SLC38A10: variants seen among roughly 807,000 people sequenced by gnomAD.
The protein encoded by SLC38A10 is solute carrier family 38 member 10.
SLC38A10 carries 53 observed loss-of-function variants against 81.0 expected under a neutral mutation model. The observed-to-expected ratio is 0.65, with a 90% CI of 0.53 to 0.82. SLC38A10 has a LOEUF of 0.82. Ranked by LOEUF, SLC38A10 falls within the 40% of genes least tolerant of loss-of-function variation. SLC38A10 has a pLI of 0.00. For missense variants in SLC38A10, 1,471 were observed against 1,545.0 expected (o/e 0.95, Z 0.80); for synonymous variants, 665 against 655.3 (o/e 1.01, Z -0.23).
intron 10 of SLC38A10, among the ~76,000 whole-genome samples, chr17:81,269,962 C>T (rs2063100566): frequency 6.6e-6 from 1 of 151,680 alleles, no homozygotes; most frequent in Non-Finnish European, 1.5e-5. Flanking sequence ...GAAACTCTGT[C>T]TCAAAAGAAA....
At chr17:81,284,497 C>T (rs1463519964) in intron 3 of SLC38A10, among the ~76,000 whole-genome samples, 1 of 152,146 alleles carries the variant, frequency 6.6e-6, no homozygotes, top group Non-Finnish European at 1.5e-5. Context: ...TTTTTCATCT[C>T]ATAAATTTTT....
chr17:81,253,231 G>A lies in SLC38A10; in HGVS notation c.1298C>T (p.Pro433Leu), dbSNP rs542840524. Reference protein sequence around the residue: ...VEAARLSAQDPVVAVAEDGRE... With the variant: ...VEAARLSAQDLVVAVAEDGRE... ...GCCATCCTCAGCCACGGCCACAACC[G>A]GATCCTGGGCTGGGAGCAGGGCACA... Residue 433 changes from proline to leucine, a missense_variant, in exon 12 of 16, where the codon CCG (proline) becomes CTG (leucine). Transcript: ENST00000374759. This position sits in a 1 kb window ranked among gnomAD's most constrained non-coding sequence, Gnocchi z 4.1. 48 of 1,613,596 alleles carry A rather than the reference G, an allele frequency of 3.0e-5. No individual in the cohort carries two copies. In the East Asian group the frequency reaches 6.7e-4, roughly 22 times the overall value.
chr17:81,256,712 G>A (rs1001612210), intron 11 of SLC38A10, among the ~76,000 whole-genome samples: 3 of 152,254 alleles, frequency 2.0e-5, no homozygotes, highest in Non-Finnish European at 4.4e-5. Flanking sequence ...ACTTTTCTAA[G>A]AGCTGATTTC....
In SLC38A10 at chr17:81,251,570, G is replaced by A. The variant is rs748642092; in HGVS notation, c.1988C>T (p.Pro663Leu). 4.7e-6 allele frequency: 7 copies of A among 1,499,478 alleles called. No homozygotes were observed. The highest frequency in any genetic ancestry group is 1.3e-5 in the South Asian group (1 of 74,886). 92.9% of individuals were successfully genotyped at this position (1,499,478 alleles called of 1,614,324 possible). The change falls in exon 14 of 16, where the codon CCT (proline) becomes CTT (leucine). Residue 663 changes from proline to leucine, a missense_variant. Physicochemically the swap from Pro to Leu is moderately conservative, Grantham distance 98. Around this residue, in one of 2 missense-constraint regions of SLC38A10, gnomAD observed 751 missense variants for 717.4 expected, o/e 1.05. Transcript: ENST00000374759. ...CTCGCGAGGCTCGGGCGGCAGCCCA[G>A]GCCCTGGAGCCGGCTTCTCCGCTGG... The part of the protein sequence containing the change: ...PLPAEKPAPG[P>L]GLPPEPREQR...
chr17:81,270,656 G>A lies in SLC38A10; in HGVS notation c.1131+262C>T, dbSNP rs541679625. On this transcript the variant is annotated intron_variant, in intron 10 of 15. Transcript: ENST00000374759. The surrounding 1 kb of genome is among the most constrained non-coding windows in gnomAD (Gnocchi z 4.0). ...ATCGCAGAAACACCATGGGGAAAGC[G>A]CTTACGACTCAGCTAAGTCGGCTCT... 5.3e-5 allele frequency among the ~76,000 whole-genome samples: 8 copies of A among 152,294 alleles called. No homozygotes were observed. Among genetic ancestry groups the A allele is most frequent in the African/African-American group, 1.9e-4 (8 of 41,562 alleles).
intron 1 of SLC38A10, among the ~76,000 whole-genome samples, chr17:81,293,134 G>A (rs766245474): frequency 2.6e-5 from 4 of 152,256 alleles, no homozygotes; most frequent in Admixed American, 6.5e-5. Context: ...CTGCACTCCA[G>A]CCTGGGTGAC....
At chr17:81,251,380 G>A (rs780049778) in intron 14 of SLC38A10, 113 bp downstream of exon 14, 1 of 1,612,656 alleles carries the variant, frequency 6.2e-7, no homozygotes, top group East Asian at 2.2e-5. Context: ...GCTGGAAAGA[G>A]AAGGGGGGCC....
At chr17:81,259,056 A>C (rs1192724581) in intron 11 of SLC38A10, among the ~76,000 whole-genome samples, 1 of 152,234 alleles carries the variant, frequency 6.6e-6, no homozygotes, top group Non-Finnish European at 1.5e-5. Context: ...CAACGCTGGG[A>C]AGGAGCTTTC....
At position 81,276,707 on chromosome 17, in the gene SLC38A10, A is replaced by C. The variant is rs1460139834; in HGVS notation, c.729+324T>G. 6.6e-6 allele frequency among the ~76,000 whole-genome samples: 1 copy of C among 152,114 alleles called. No homozygotes were observed. The highest frequency in any genetic ancestry group is 1.9e-4 in the East Asian group (1 of 5,178). On this transcript the variant is annotated intron_variant, in intron 7 of 15. Coordinates refer to ENST00000374759, the MANE Select transcript of SLC38A10 (RefSeq NM_001037984.3). This position sits in a 1 kb window ranked among gnomAD's most constrained non-coding sequence, Gnocchi z 4.7. The stretch of plus-strand genomic sequence containing the variant: ...GCCCGGCCGGAACATGCCCATTTCT[A>C]CAGAGAATTAACAGAGGTCTTGGAG...
chr17:81,271,268 T>C (rs2146926037), intron 9 of SLC38A10, among the ~76,000 whole-genome samples: 1 of 152,318 alleles, frequency 6.6e-6, no homozygotes, highest in African/African-American at 2.4e-5. Context: ...AGTCAGACAC[T>C]AGGGACCTCC....
At chr17:81,292,066 G>A (rs536663255) in intron 1 of SLC38A10, among the ~76,000 whole-genome samples, 63 of 151,962 alleles carry the variant, frequency 4.1e-4, no homozygotes, top group Non-Finnish European at 7.7e-4. Flanking sequence ...AAACTTCAAT[G>A]TTTATTATAT....
At chr17:81,280,883 GCCGC>G in intron 5 of SLC38A10, 150 bp from the exon 6 acceptor site, 2 of 912,552 alleles carry the variant, frequency 2.2e-6, no homozygotes, top group Non-Finnish European at 3.1e-6. Flanking sequence ...GCCGCCCTGT[GCCGC>G]CTTGTGCCGC....
chr17:81,271,311 G>A (rs1434685114), intron 9 of SLC38A10, among the ~76,000 whole-genome samples: 1 of 152,200 alleles, frequency 6.6e-6, no homozygotes, highest in East Asian at 1.9e-4. Context: ...CGCACGGCAC[G>A]GCTCCTGCGC....
At position 81,247,039 on chromosome 17, in the gene SLC38A10, C is replaced by T. The variant is rs534277450; in HGVS notation, c.2088G>A (p.Leu696=). The change falls in exon 15 of 16, where the codon CTG becomes CTA. Residue 696 remains leucine, a synonymous_variant. Transcript: ENST00000374759. The stretch of plus-strand genomic sequence containing the variant: ...TCACCTGAAGCAGGACGGCGTGGTC[C>T]AGCATCTCCGCCCTGCCAGCTTCTG... ...QLEEAGRAEM[L]DHAVLLQVIK... 2.2e-4 allele frequency: 351 copies of T among 1,593,280 alleles called. 2 individuals are homozygous for T. In the Middle Eastern group the frequency reaches 3.0e-3, roughly 14 times the overall value.
intron 11 of SLC38A10, among the ~76,000 whole-genome samples, chr17:81,259,832 T>C (rs1169472519): frequency 6.6e-6 from 1 of 152,136 alleles, no homozygotes; most frequent in African/African-American, 2.4e-5. Flanking sequence ...ATAAATAACC[T>C]GAAGCAGCAA....
chr17:81,251,267 C>T (rs755370875), intron 14 of SLC38A10: 10 of 1,474,252 alleles, frequency 6.8e-6, no homozygotes, highest in African/African-American at 4.5e-5. Flanking sequence ...GTGACGATGC[C>T]GCAGGTGTTT....
intron 1 of SLC38A10, among the ~76,000 whole-genome samples, chr17:81,290,178 A>G (rs2063299375): frequency 6.6e-6 from 1 of 152,214 alleles, no homozygotes; most frequent in African/African-American, 2.4e-5. Context: ...ATTCTGGAAG[A>G]GATTAAAAAT....
intron 1 of SLC38A10, among the ~76,000 whole-genome samples, chr17:81,293,718 G>T (rs1226956601): frequency 6.6e-6 from 1 of 152,134 alleles, no homozygotes; most frequent in Non-Finnish European, 1.5e-5. Flanking sequence ...TTATTCCAAA[G>T]ATAATGAATA....
rs2062839094 is a variant in SLC38A10 at position 81,245,499 on chromosome 17, G to A, written c.*57C>T. 2.0e-6 allele frequency: 3 copies of A among 1,529,952 alleles called. No individual in the cohort carries two copies. The highest frequency in any genetic ancestry group is 1.2e-5 in the South Asian group (1 of 80,106). 94.8% of individuals were successfully genotyped at this position (1,529,952 alleles called of 1,614,324 possible). A position where few individuals can be genotyped will look rare whatever the true frequency, so the allele number is the denominator to read the frequency against. On this transcript the variant is annotated 3_prime_UTR_variant, in exon 16 of 16. Transcript: ENST00000374759. ...GTTTGGCTGGGATGCGGCTGAGACA[G>A]ACCTGCTGCTGGCCGAGGAGGGCAG...
Sources: gnomAD v4.1 joint callset for allele counts (sites outside exome capture counted in the v4.1 genomes callset) on GRCh38, gnomAD v4.1.1 for gene constraint, gnomAD v4.1.1 regional missense constraint, Gnocchi (gnomAD v3.1) non-coding constraint, MANE v1.5 for transcripts, NCBI Gene and HGNC (gene_info 2026-07-23, HGNC 2026-07-21) for gene names.